Variants in RAB31 observed in about 807,000 individuals in gnomAD.
RAB31 encodes ras-related protein Rab-31.
In RAB31, 21 loss-of-function variants were observed where a neutral mutation model predicts 25.6. The observed-to-expected ratio is 0.82, with a 90% confidence interval of 0.58 to 1.18. The LOEUF (loss-of-function observed/expected upper bound fraction) is 1.18, where lower values mean the gene tolerates loss of function less well. RAB31 is among the 50% of genes most tolerant of loss of function. RAB31 has a pLI of 0.00. For synonymous variants in RAB31, 87 were observed against 84.0 expected (o/e 1.04, Z -0.20); for missense variants, 196 against 250.1 (o/e 0.78, Z 1.46).
chr18:9,765,101 C>T (rs117864811), intron 1 of RAB31, among the ~76,000 whole-genome samples: 2,787 of 152,174 alleles, frequency 0.018, 42 homozygotes, highest in Non-Finnish European at 0.028. Flanking sequence ...TACAGGCTCT[C>T]GCCACCACGC....
rs2067999405 is a variant in RAB31 at position 9,708,687 on chromosome 18, C to T, written c.39+243C>T. On this transcript the variant is annotated intron_variant, in intron 1 of 6. Coordinates refer to ENST00000578921, the MANE Select transcript of RAB31 (RefSeq NM_006868.4). The surrounding 1 kb of genome is among the most constrained non-coding windows in gnomAD (Gnocchi z 6.4). The stretch of plus-strand genomic sequence containing the variant: ...CCCCGCCTGTTCTCCGCCTCCCCGC[C>T]GTCCGTGCGCCCCTCTGGTCCGCCC... Among the ~76,000 whole-genome samples, 1 of 151,842 alleles carries T rather than the reference C, an allele frequency of 6.6e-6. No homozygotes were observed. Among genetic ancestry groups the T allele is most frequent in the Non-Finnish European group, 1.5e-5 (1 of 67,898 alleles).
intron 2 of RAB31, among the ~76,000 whole-genome samples, chr18:9,790,589 A>G (rs1331651983): frequency 6.6e-6 from 1 of 152,120 alleles, no homozygotes; most frequent in African/African-American, 2.4e-5. Context: ...GCCAAGGTTC[A>G]TATATTGCAT....
rs1192436618 is a variant in RAB31, at chr18:9,747,613, G to A, written c.40-27665G>A. Reference sequence around the variant, plus strand: ...AAATGAGAGAAACCAGACACAAAAGGTCACATATTGTGTGATTCCTTTCAT... The same window carrying A: ...AAATGAGAGAAACCAGACACAAAAGATCACATATTGTGTGATTCCTTTCAT... On this transcript the variant is annotated intron_variant, in intron 1 of 6. Coordinates refer to ENST00000578921, the MANE Select transcript of RAB31 (RefSeq NM_006868.4). 4.6e-5 allele frequency among the ~76,000 whole-genome samples: 7 copies of A among 152,164 alleles called. No individual in the cohort carries two copies. The East Asian group carries it at 1.3e-3, about 29-fold the overall frequency.
intron 5 of RAB31, among the ~76,000 whole-genome samples, chr18:9,843,778 C>G (rs912796285): frequency 1.3e-5 from 2 of 152,066 alleles, no homozygotes; most frequent in Admixed American, 6.5e-5. Flanking sequence ...TGACTTGGCT[C>G]CAGGGACATA....
chr18:9,712,841 C>T (rs915209343), intron 1 of RAB31, among the ~76,000 whole-genome samples: 3 of 152,218 alleles, frequency 2.0e-5, no homozygotes, highest in Admixed American at 6.5e-5. Context: ...CTACCACTTC[C>T]TCAATAGCTG....
chr18:9,761,730 T>C (rs2145483997), intron 1 of RAB31, among the ~76,000 whole-genome samples: 1 of 152,322 alleles, frequency 6.6e-6, no homozygotes. Flanking sequence ...TCTTCATGCA[T>C]GGCAGCTTGC....
At chr18:9,854,726 G>T (rs1211486336) in intron 6 of RAB31, among the ~76,000 whole-genome samples, 1 of 152,184 alleles carries the variant, frequency 6.6e-6, no homozygotes, top group African/African-American at 2.4e-5. Flanking sequence ...GCATGTGTGT[G>T]TCCCCCAGTT....
At position 9,792,189 on chromosome 18, in the gene RAB31, A is replaced by G. The variant is rs2068463914; in HGVS notation, c.155A>G (p.Asn52Ser). 5 of 1,612,642 alleles carry G rather than the reference A, an allele frequency of 3.1e-6. No homozygotes were observed. The highest frequency in any genetic ancestry group is 2.2e-5 in the East Asian group (1 of 44,870). The change falls in exon 3 of 7, where the codon AAT becomes AGT. Residue 52 changes from asparagine (N) to serine (S), a missense_variant. Coordinates refer to ENST00000578921, the MANE Select transcript of RAB31 (RefSeq NM_006868.4). ...ATGACCAAAACTGTGCCTTGTGGAA[A>G]TGAACTTCACAAGTTCCTCATCTGG... ...SFMTKTVPCG[N>S]ELHKFLIWDT... is the part of the protein sequence containing the mutation.
intron 6 of RAB31, chr18:9,849,629 T>G (rs2143143457): frequency 6.6e-6 from 1 of 152,522 alleles, no homozygotes; most frequent in South Asian, 2.1e-4. Flanking sequence ...TAATTGGTGC[T>G]GCGCGGCGAA....
At chr18:9,739,543 CTA>C (rs1491156886) in intron 1 of RAB31, among the ~76,000 whole-genome samples, 23 of 50,754 alleles carry the variant, frequency 4.5e-4, no homozygotes, top group Non-Finnish European at 1.9e-4. Flanking sequence ...ATGTAATGTG[CTA>C]AAAAAAAAAA....
At chr18:9,814,589 T>C (rs963838052) in intron 4 of RAB31, 1 of 158,262 alleles carries the variant, frequency 6.3e-6, no homozygotes, top group Non-Finnish European at 1.4e-5. Flanking sequence ...AACTGAATTA[T>C]TTACTTTTTT....
chr18:9,720,579 C>T (rs1304224603), intron 1 of RAB31, among the ~76,000 whole-genome samples: 2 of 151,072 alleles, frequency 1.3e-5, no homozygotes, highest in Admixed American at 1.3e-4. Context: ...TTACATGAGA[C>T]ACACACACAC....
intron 1 of RAB31, among the ~76,000 whole-genome samples, chr18:9,772,553 G>A (rs1162990499): frequency 6.6e-6 from 1 of 152,222 alleles, no homozygotes; most frequent in Non-Finnish European, 1.5e-5. Flanking sequence ...TGTTGGCATG[G>A]GAAAGGGAGG....
At chr18:9,843,121 C>T (rs565972481) in intron 5 of RAB31, among the ~76,000 whole-genome samples, 5 of 152,160 alleles carry the variant, frequency 3.3e-5, no homozygotes, top group South Asian at 2.1e-4. Flanking sequence ...CTCTCACCTG[C>T]GGGCCCAGAG....
At chr18:9,795,838 A>C (rs2068484511) in intron 3 of RAB31, among the ~76,000 whole-genome samples, 3 of 152,210 alleles carry the variant, frequency 2.0e-5, no homozygotes, top group African/African-American at 7.2e-5. Flanking sequence ...TTCCTTAAAG[A>C]ACTAAAAGTA....
At chr18:9,787,201 G>C (rs2068437882) in intron 2 of RAB31, 1 of 217,954 alleles carries the variant, frequency 4.6e-6, no homozygotes, top group Non-Finnish European at 9.9e-6. Flanking sequence ...AACAAGTATG[G>C]GACTTACTTA....
chr18:9,845,581 G>C lies in RAB31; in HGVS notation c.381-1G>C. ...CTGTCTACATTTGACCTCTTTTCCA[G>C]GGAGGTTCCCCTGAAGGATGCTAAG... is the stretch of plus-strand genomic sequence containing the variant. On this transcript the variant is annotated splice_acceptor_variant, in intron 5 of 6. Coordinates refer to ENST00000578921, the MANE Select transcript of RAB31 (RefSeq NM_006868.4). LOFTEE classifies it high-confidence loss of function. The C allele has an allele frequency of 6.5e-7, 1 of 1,534,132 alleles. No individual in the cohort carries two copies. Among genetic ancestry groups the C allele is most frequent in the Non-Finnish European group, 8.7e-7 (1 of 1,143,206 alleles).
intron 1 of RAB31, among the ~76,000 whole-genome samples, chr18:9,745,617 A>C (rs1354649364): frequency 6.6e-6 from 1 of 152,234 alleles, no homozygotes; most frequent in East Asian, 1.9e-4. Context: ...CAGGAGTGCA[A>C]GGGTGGTTTG....
intron 3 of RAB31, among the ~76,000 whole-genome samples, chr18:9,795,468 A>G (rs1338990396): frequency 6.6e-6 from 1 of 152,218 alleles, no homozygotes; most frequent in Non-Finnish European, 1.5e-5. Flanking sequence ...GTGGGAGAAA[A>G]TCTTCACAAT....
Sources: gnomAD v4.1 joint callset for allele counts (sites outside exome capture counted in the v4.1 genomes callset) on GRCh38, gnomAD v4.1.1 for gene constraint, Gnocchi (gnomAD v3.1) non-coding constraint, MANE v1.5 for transcripts, NCBI Gene and HGNC (gene_info 2026-07-23, HGNC 2026-07-21) for gene names.